Variants in FANCC observed in about 807,000 individuals in gnomAD.
FANCC encodes FA complementation group C, also known as Fanconi anemia group C protein.
In FANCC, 55 loss-of-function variants were observed where a neutral mutation model predicts 71.3. That is an observed-to-expected ratio of 0.77 (90% CI 0.62 to 0.97). FANCC has a LOEUF of 0.97. FANCC is among the 50% of genes least tolerant of loss of function. The pLI is 0.00. For missense variants in FANCC, 678 were observed against 670.9 expected (o/e 1.01, Z -0.12); for synonymous variants, 275 against 244.9 (o/e 1.12, Z -1.15).
intron 1 of FANCC, among the ~76,000 whole-genome samples, chr9:95,315,783 T>C (rs143382562): frequency 6.6e-6 from 1 of 152,390 alleles, no homozygotes; most frequent in East Asian, 1.9e-4. Flanking sequence ...GCTCTCTCCA[T>C]GGCCCAGATA....
chr9:95,199,002 C>T lies in FANCC; in HGVS notation c.346-26855G>A, dbSNP rs1351910869. On this transcript the variant is annotated intron_variant, in intron 4 of 14. Transcript: ENST00000289081. The stretch of plus-strand genomic sequence containing the variant: ...TGATCCTCTTGCAGTACTGAGATTA[C>T]AGGTGTGAGCTACTGTGCCTGACCT... Among the ~76,000 whole-genome samples the T allele has an allele frequency of 3.3e-5, 5 of 152,270 alleles. No homozygotes were observed. In the South Asian group the frequency reaches 6.2e-4, roughly 19 times the overall value.
chr9:95,252,274 C>CAAAAAAAAAA (rs71366284), intron 1 of FANCC, among the ~76,000 whole-genome samples: 7 of 50,126 alleles, frequency 1.4e-4, no homozygotes, highest in Admixed American at 2.8e-4. Context: ...GAGACTGATT[C>CAAAAAAAAAA]AAAAAAAAAA....
intron 1 of FANCC, among the ~76,000 whole-genome samples, chr9:95,274,044 C>CT (rs1469565936): frequency 6.6e-6 from 1 of 152,118 alleles, no homozygotes; most frequent in African/African-American, 2.4e-5. Flanking sequence ...TTTTATTATA[C>CT]TTTAAGTTCT....
At chr9:95,239,047 C>A (rs1348268818) in intron 4 of FANCC, among the ~76,000 whole-genome samples, 3 of 152,160 alleles carry the variant, frequency 2.0e-5, no homozygotes, top group Admixed American at 6.5e-5. Flanking sequence ...GCTTTCTCAC[C>A]ACCATACTTT....
At chr9:95,196,218 G>A (rs1827445712) in intron 4 of FANCC, among the ~76,000 whole-genome samples, 1 of 152,026 alleles carries the variant, frequency 6.6e-6, no homozygotes, top group Admixed American at 6.6e-5. Context: ...TATTAAATAT[G>A]ATATTCACTC....
chr9:95,150,301 T>C (rs1232165707), intron 6 of FANCC, among the ~76,000 whole-genome samples: 2 of 152,242 alleles, frequency 1.3e-5, no homozygotes, highest in African/African-American at 2.4e-5. Context: ...GTGTCATTCA[T>C]GGTCAGGACT....
At chr9:95,123,995 C>T (rs1404431490) in intron 10 of FANCC, 11 of 341,044 alleles carry the variant, frequency 3.2e-5, no homozygotes, top group Admixed American at 1.2e-4. Context: ...CCCAGCTACA[C>T]GCAGGGGCTG....
chr9:95,251,895 T>A (rs1474996634), intron 1 of FANCC, among the ~76,000 whole-genome samples: 1 of 151,988 alleles, frequency 6.6e-6, no homozygotes, highest in African/African-American at 2.4e-5. Flanking sequence ...ATGTAAAAAC[T>A]GAAAGGAAGT....
At chr9:95,161,418 G>C (rs1830738816) in intron 6 of FANCC, among the ~76,000 whole-genome samples, 1 of 152,130 alleles carries the variant, frequency 6.6e-6, no homozygotes, top group African/African-American at 2.4e-5. Flanking sequence ...AATTATTGGA[G>C]GCTACAGTAA....
chr9:95,178,332 A>T (rs986162959), intron 4 of FANCC, among the ~76,000 whole-genome samples: 1 of 152,196 alleles, frequency 6.6e-6, no homozygotes, highest in African/African-American at 2.4e-5. Flanking sequence ...GTGCCAGAAT[A>T]GCCCCTCAGA....
At chr9:95,101,891 CCAGA>C (rs2071093016) in intron 14 of FANCC, 41 bp from the exon 15 acceptor site, 1 of 1,612,078 alleles carries the variant, frequency 6.2e-7, no homozygotes, top group Non-Finnish European at 8.5e-7. Context: ...AAAACACTTT[CCAGA>C]CAGATTTGTC....
chr9:95,268,340 C>A (rs914467428), intron 1 of FANCC, among the ~76,000 whole-genome samples: 2 of 152,184 alleles, frequency 1.3e-5, no homozygotes, highest in Non-Finnish European at 2.9e-5. Flanking sequence ...CAACTTCGGA[C>A]CAAGGAACTC....
At chr9:95,115,628 G>A (rs2072339180) in intron 11 of FANCC, among the ~76,000 whole-genome samples, 1 of 152,178 alleles carries the variant, frequency 6.6e-6, no homozygotes, top group African/African-American at 2.4e-5. Context: ...GCAGTTCTGT[G>A]CAGCATCTGC....
chr9:95,115,753 G>A (rs913118674), intron 11 of FANCC, among the ~76,000 whole-genome samples: 5 of 152,168 alleles, frequency 3.3e-5, no homozygotes, highest in African/African-American at 4.8e-5. Context: ...CTGAACTCCC[G>A]CGGCCCTTGG....
At chr9:95,306,638 T>G (rs1320358281) in intron 1 of FANCC, among the ~76,000 whole-genome samples, 1 of 152,176 alleles carries the variant, frequency 6.6e-6, no homozygotes, top group Non-Finnish European at 1.5e-5. Context: ...AGGCAAATGT[T>G]TTCTGCTAAA....
chr9:95,246,616 G>C (rs356668), intron 3 of FANCC, among the ~76,000 whole-genome samples: 2 of 152,282 alleles, frequency 1.3e-5, no homozygotes, highest in African/African-American at 2.4e-5. Flanking sequence ...TCCTGTTCTC[G>C]AGAGGCATGC....
Position 95,126,580 on chromosome 9 carries a change from G to T in FANCC, c.845C>A (p.Pro282His). 1 of 1,613,994 alleles carries T rather than the reference G, an allele frequency of 6.2e-7. No individual in the cohort carries two copies. The highest frequency in any genetic ancestry group is 1.1e-5 in the South Asian group (1 of 91,072). Reference protein sequence around the residue: ...IECFIKDSSLPQAACHPAIFR... With the variant: ...IECFIKDSSLHQAACHPAIFR... ...TATGGCAGGGTGGCAGGCTGCTTGAGGCTGTAAAAGGAGAAGACCATGAGA... is the reference window on the plus strand; with the variant it reads ...TATGGCAGGGTGGCAGGCTGCTTGATGCTGTAAAAGGAGAAGACCATGAGA... Residue 282 changes from proline to histidine, a missense_variant and splice_region_variant, in exon 9 of 15, where the codon CCT becomes CAT. By Grantham distance (77) the Pro-to-His change is moderately conservative. Coordinates refer to ENST00000289081, the MANE Select transcript of FANCC (RefSeq NM_000136.3).
chr9:95,118,523 G>A (rs554477800), intron 10 of FANCC, among the ~76,000 whole-genome samples: 1 of 152,320 alleles, frequency 6.6e-6, no homozygotes, highest in South Asian at 2.1e-4. Context: ...CCCCAGTGAA[G>A]ACACATTTCT....
chr9:95,165,252 A>G (rs1283429033), intron 6 of FANCC, among the ~76,000 whole-genome samples: 1 of 149,892 alleles, frequency 6.7e-6, no homozygotes, highest in African/African-American at 2.5e-5. Context: ...TATTTTATTT[A>G]TTTCTGTTCT....
Sources: gnomAD v4.1 joint callset for allele counts (sites outside exome capture counted in the v4.1 genomes callset) on GRCh38, gnomAD v4.1.1 for gene constraint, MANE v1.5 for transcripts, NCBI Gene and HGNC (gene_info 2026-07-23, HGNC 2026-07-21) for gene names.